The following KDM4A variants were observed in gnomAD, a reference collection of about 807,000 sequenced individuals.
KDM4A encodes lysine demethylase 4A, also known as lysine-specific demethylase 4A.
KDM4A carries 23 observed loss-of-function variants against 127.1 expected under a neutral mutation model. The ratio of observed to expected loss-of-function variants is 0.18; its 90% CI spans 0.13 to 0.26. The LOEUF is 0.26. Ranked by LOEUF, KDM4A falls within the 10% of genes least tolerant of loss-of-function variation. The pLI is 1.00. For synonymous variants in KDM4A, 443 were observed against 466.5 expected, an observed-to-expected ratio of 0.95 and a Z score of 0.65; for missense variants, 890 against 1,329.1, an observed-to-expected ratio of 0.67 and a Z score of 5.14.
rs1557917153 is a variant in KDM4A at position 43,689,077 on chromosome 1, C to G, written c.2019C>G (p.Ile673Met). 1.2e-6 allele frequency: 2 copies of G among 1,614,180 alleles called. No individual in the cohort carries two copies. Among genetic ancestry groups the G allele is most frequent in the Non-Finnish European group, 1.7e-6 (2 of 1,180,000 alleles). ...CCCCTCACTGCGCTGTCTGTATGAT[C>G]TTCCAGACTTATCATCAGGTAACCC... Reference protein sequence around the residue: ...QQAPHCAVCMIFQTYHQVEFG... With the variant: ...QQAPHCAVCMMFQTYHQVEFG... Residue 673 changes from isoleucine (I) to methionine (M), a missense_variant, in exon 13 of 22, where the codon ATC (isoleucine) becomes ATG (methionine). By Grantham distance (10) the Ile-to-Met change is conservative. Coordinates refer to ENST00000372396, the MANE Select transcript of KDM4A (RefSeq NM_014663.3).
At chr1:43,681,029 A>T (rs1040500380) in intron 11 of KDM4A, among the ~76,000 whole-genome samples, 1 of 152,164 alleles carries the variant, frequency 6.6e-6, no homozygotes, top group African/African-American at 2.4e-5. Flanking sequence ...ATACAATTCT[A>T]GAGGAAATTT....
intron 11 of KDM4A, among the ~76,000 whole-genome samples, chr1:43,679,395 G>A (rs1466919772): frequency 6.6e-6 from 1 of 152,168 alleles, no homozygotes; most frequent in Non-Finnish European, 1.5e-5. Context: ...GGAGGAATAA[G>A]GGACAGATAG....
intron 3 of KDM4A, among the ~76,000 whole-genome samples, chr1:43,656,916 G>T (rs1660256272): frequency 1.3e-5 from 2 of 151,648 alleles, no homozygotes; most frequent in Admixed American, 1.3e-4. Context: ...TTTTAGTAGA[G>T]ACGGGGTTTC....
chr1:43,692,982 A>G (rs921291848), intron 16 of KDM4A, among the ~76,000 whole-genome samples: 2 of 152,140 alleles, frequency 1.3e-5, no homozygotes, highest in African/African-American at 4.8e-5. Flanking sequence ...TCCTGCTTCC[A>G]AGTAGAATCC....
At chr1:43,689,682 C>T (rs916570567) in intron 13 of KDM4A, among the ~76,000 whole-genome samples, 16 of 152,172 alleles carry the variant, frequency 1.1e-4, no homozygotes, top group African/African-American at 3.9e-4. Context: ...CTCTAGGATG[C>T]CAGGAAGGCA....
intron 16 of KDM4A, among the ~76,000 whole-genome samples, 179 bp downstream of exon 16, chr1:43,692,490 C>T (rs899918641): frequency 1.3e-5 from 2 of 152,236 alleles, no homozygotes; most frequent in African/African-American, 2.4e-5. Context: ...GGGAGCCAAG[C>T]AGTCCCAGAC....
chr1:43,676,652 T>G (rs1168867415), intron 11 of KDM4A, among the ~76,000 whole-genome samples: 1 of 152,166 alleles, frequency 6.6e-6, no homozygotes, highest in Non-Finnish European at 1.5e-5. Context: ...TGTCAGGATC[T>G]TTCCATATTT....
chr1:43,697,637 A>G (rs1661272439), intron 18 of KDM4A, among the ~76,000 whole-genome samples: 2 of 152,138 alleles, frequency 1.3e-5, no homozygotes, highest in Admixed American at 1.3e-4. Context: ...TATGGAGGAA[A>G]TGTGGTACTG....
rs1023600532 is a variant in KDM4A, at chr1:43,705,034, C to A, written c.*664C>A. ...GGAGCTGATGCCACCTCTTTGTCTTCCCCTAAAGGAGAACATGGGGATAAC... is the reference window on the plus strand; with the variant it reads ...GGAGCTGATGCCACCTCTTTGTCTTACCCTAAAGGAGAACATGGGGATAAC... On this transcript the variant is annotated 3_prime_UTR_variant, in exon 22 of 22. Transcript: ENST00000372396. 6.5e-6 allele frequency: 1 copy of A among 152,850 alleles called. No individual in the cohort carries two copies. The highest frequency in any genetic ancestry group is 2.4e-5 in the African/African-American group (1 of 41,442). The allele number at this position is 152,850 out of a possible 1,614,324, so 9.5% of individuals were successfully genotyped here.
At chr1:43,651,362 A>T (rs1405595267) in intron 1 of KDM4A, among the ~76,000 whole-genome samples, 1 of 152,214 alleles carries the variant, frequency 6.6e-6, no homozygotes, top group Non-Finnish European at 1.5e-5. Flanking sequence ...ATTTCCTGGT[A>T]TGTAAAACAG....
rs1261949179 is a variant in KDM4A, at chr1:43,705,336, GCTC to G, written c.*970_*972del. On this transcript the variant is annotated 3_prime_UTR_variant, in exon 22 of 22. Coordinates refer to ENST00000372396, the MANE Select transcript of KDM4A (RefSeq NM_014663.3). ...TACTGAAGGGGTTAAACAGGTTTTT[GCTC>G]CTCAAGAATTTGTTTGCCTGGGCCC... 6.6e-6 allele frequency: 1 copy of G among 152,282 alleles called. No individual in the cohort carries two copies. 9.4% of individuals were successfully genotyped at this position (152,282 alleles called of 1,614,324 possible).
chr1:43,691,887 T>C (rs920197568), intron 15 of KDM4A, among the ~76,000 whole-genome samples: 3 of 152,212 alleles, frequency 2.0e-5, no homozygotes, highest in South Asian at 2.1e-4. Flanking sequence ...AGATGATTCA[T>C]TGTGCTGTTT....
chr1:43,671,645 T>G lies in KDM4A; in HGVS notation c.1504T>G (p.Ser502Ala). 1 of 1,613,452 alleles carries G rather than the reference T, an allele frequency of 6.2e-7. No homozygotes were observed. ...GTCTGTAGGGGGACGCCTTGTCTTC[T>G]CAGGCTCCAAAAAGAAATCATCTTC... ...PASVGGRLVF[S>A]GSKKKSSSSL... is the part of the protein sequence containing the mutation. The change falls in exon 11 of 22, where the codon TCA (serine) becomes GCA (alanine). Residue 502 changes from serine (S) to alanine (A), a missense_variant. Coordinates refer to ENST00000372396, the MANE Select transcript of KDM4A (RefSeq NM_014663.3).
chr1:43,658,552 A>G (rs1660300821), intron 3 of KDM4A, among the ~76,000 whole-genome samples: 1 of 137,262 alleles, frequency 7.3e-6, no homozygotes. Context: ...GGCGCGGGCT[A>G]GAGTGCAGTG....
intron 20 of KDM4A, 132 bp downstream of exon 20, chr1:43,703,868 C>A: frequency 7.3e-7 from 1 of 1,371,668 alleles, no homozygotes; most frequent in Non-Finnish European, 1.0e-6. Context: ...TAGGGGTCTG[C>A]CCTGTTTCCA....
At chr1:43,687,651 T>C (rs1356569415) in intron 12 of KDM4A, among the ~76,000 whole-genome samples, 2 of 152,342 alleles carry the variant, frequency 1.3e-5, no homozygotes, top group African/African-American at 4.8e-5. Context: ...CATTTACTTA[T>C]ACCTTCAGAA....
At position 43,694,138 on chromosome 1, in the gene KDM4A, T is replaced by TA; in HGVS notation, c.2484+37dup. The TA allele has an allele frequency of 6.5e-7, 1 of 1,544,740 alleles. No individual in the cohort carries two copies. The highest frequency in any genetic ancestry group is 8.9e-7 in the Non-Finnish European group (1 of 1,121,066). The stretch of plus-strand genomic sequence containing the variant: ...GTAGACTCTACATAATTTCCCGACT[T>TA]ACAAGTTTCTGGGTAGAAGAGAACA... On this transcript the variant is annotated intron_variant, in intron 17 of 21. Transcript: ENST00000372396. The surrounding 1 kb of genome is among the most constrained non-coding windows in gnomAD (Gnocchi z 5.2).
At chr1:43,692,459 A>T in intron 16 of KDM4A, 148 bp downstream of exon 16, 1 of 683,588 alleles carries the variant, frequency 1.5e-6, no homozygotes, top group Non-Finnish European at 2.5e-6. Context: ...TCCAAGACTC[A>T]TTTTAAAAAT....
chr1:43,685,109 A>AG (rs1198916493), intron 12 of KDM4A, among the ~76,000 whole-genome samples: 3 of 152,004 alleles, frequency 2.0e-5, no homozygotes, highest in African/African-American at 7.2e-5. Context: ...GAGGGGACCA[A>AG]GGGGGGTGAG....
Sources: allele counts gnomAD v4.1 joint callset (sites outside exome capture counted in the v4.1 genomes callset), GRCh38; gene constraint gnomAD v4.1.1; non-coding constraint Gnocchi (gnomAD v3.1); transcripts MANE v1.5; gene names NCBI Gene and HGNC (gene_info 2026-07-23, HGNC 2026-07-21).